Variants in MYO5A observed in about 807,000 individuals in gnomAD.
MYO5A encodes myosin VA.
A neutral mutation model predicts 249.7 loss-of-function variants in MYO5A; 98 were observed. That is an observed-to-expected ratio of 0.39 (90% CI 0.33 to 0.46). The LOEUF (loss-of-function observed/expected upper bound fraction) is 0.46, where lower values mean the gene tolerates loss of function less well. Among genes scored for constraint, MYO5A ranks in the 20% least tolerant of loss-of-function variants. The pLI is 0.98. For missense variants in MYO5A, 1,696 were observed against 2,308.8 expected (o/e 0.73, Z 5.44); for synonymous variants, 778 against 810.6 (o/e 0.96, Z 0.68).
rs1219890500 is a variant in MYO5A at position 52,435,184 on chromosome 15, T to C, written c.28-1899A>G. On this transcript the variant is annotated intron_variant, in intron 1 of 41. Transcript: ENST00000399233. Reference sequence around the variant, plus strand: ...GAAAGTGGGTGAACGAAAGTACAGGTAGATCTGAGATTCAAGATAATTTAA... The same window carrying C: ...GAAAGTGGGTGAACGAAAGTACAGGCAGATCTGAGATTCAAGATAATTTAA... Among the ~76,000 whole-genome samples the C allele has an allele frequency of 2.0e-5, 3 of 151,904 alleles. No homozygotes were observed. In the East Asian group the frequency reaches 5.8e-4, roughly 29 times the overall value.
chr15:52,448,429 T>C (rs1356551883), intron 1 of MYO5A, among the ~76,000 whole-genome samples: 1 of 152,230 alleles, frequency 6.6e-6, no homozygotes, highest in Non-Finnish European at 1.5e-5. Context: ...CTAACTTGTT[T>C]TTTATTTTAC....
intron 31 of MYO5A, among the ~76,000 whole-genome samples, chr15:52,340,873 A>G (rs531460376): frequency 6.6e-6 from 1 of 152,030 alleles, no homozygotes; most frequent in Admixed American, 6.6e-5. Context: ...GGTTGAACCC[A>G]GGAGGCAAAG....
chr15:52,456,870 C>T (rs573476310), intron 1 of MYO5A, among the ~76,000 whole-genome samples: 2 of 152,130 alleles, frequency 1.3e-5, no homozygotes, highest in Admixed American at 6.5e-5. Flanking sequence ...TAGAAGTAAG[C>T]ATTGGGCAAA....
Position 52,308,565 on chromosome 15 carries a change from A to T in MYO5A, c.*5131T>A, listed in dbSNP as rs1256654646. ...ATATTCATTTGCTTACTTGTGACACAGAGTCCCACTAACTCAGAAGCATTC... is the reference window on the plus strand; with the variant it reads ...ATATTCATTTGCTTACTTGTGACACTGAGTCCCACTAACTCAGAAGCATTC... On this transcript the variant is annotated 3_prime_UTR_variant, in exon 42 of 42. Coordinates refer to ENST00000399233, the MANE Select transcript of MYO5A (RefSeq NM_001382347.1). 1 of 152,284 alleles carries T rather than the reference A, an allele frequency of 6.6e-6. No homozygotes were observed. Among genetic ancestry groups the T allele is most frequent in the Non-Finnish European group, 1.5e-5 (1 of 68,046 alleles). The allele number at this position is 152,284 out of a possible 1,614,324, so 9.4% of individuals were successfully genotyped here.
chr15:52,506,295 A>G (rs1249287896), intron 1 of MYO5A, among the ~76,000 whole-genome samples: 2 of 152,106 alleles, frequency 1.3e-5, no homozygotes, highest in Admixed American at 1.3e-4. Context: ...AGCTTGCAGT[A>G]AGCCAAGACT....
intron 1 of MYO5A, among the ~76,000 whole-genome samples, chr15:52,475,757 T>C (rs2076578198): frequency 6.6e-6 from 1 of 152,212 alleles, no homozygotes; most frequent in Non-Finnish European, 1.5e-5. Flanking sequence ...GAGAGGCAGT[T>C]TGTTATAATT....
At chr15:52,392,874 A>G (rs1252372802) in intron 11 of MYO5A, among the ~76,000 whole-genome samples, 1 of 152,288 alleles carries the variant, frequency 6.6e-6, no homozygotes. Context: ...AAGCTGTAGT[A>G]GTATTACAAA....
chr15:52,394,559 T>C (rs1488579077), intron 11 of MYO5A, among the ~76,000 whole-genome samples: 2 of 152,050 alleles, frequency 1.3e-5, no homozygotes, highest in African/African-American at 2.4e-5. Flanking sequence ...GGCAGAGCAG[T>C]TGTGCAGAAT....
At chr15:52,329,610 T>C (rs1271538739) in intron 35 of MYO5A, among the ~76,000 whole-genome samples, 2 of 152,196 alleles carry the variant, frequency 1.3e-5, no homozygotes, top group Non-Finnish European at 2.9e-5. Context: ...TTCCCTATTA[T>C]TACACTGCCG....
At chr15:52,519,966 T>C (rs2077582337) in intron 1 of MYO5A, among the ~76,000 whole-genome samples, 1 of 152,136 alleles carries the variant, frequency 6.6e-6, no homozygotes, top group African/African-American at 2.4e-5. Flanking sequence ...CCTGACCTCA[T>C]GATCCGCCCG....
chr15:52,374,462 C>T (rs920521002), intron 20 of MYO5A, among the ~76,000 whole-genome samples: 3 of 152,168 alleles, frequency 2.0e-5, no homozygotes, highest in African/African-American at 7.2e-5. Flanking sequence ...CCTGCAAATG[C>T]TATTTATTCA....
At chr15:52,453,173 G>A (rs1193928244) in intron 1 of MYO5A, among the ~76,000 whole-genome samples, 1 of 152,016 alleles carries the variant, frequency 6.6e-6, no homozygotes. Context: ...GGTCCTAAAA[G>A]TAGCAAGGGA....
intron 18 of MYO5A, 102 bp from the exon 19 acceptor site, chr15:52,376,660 T>C (rs1034252031): frequency 5.9e-5 from 66 of 1,122,444 alleles, no homozygotes; most frequent in Non-Finnish European, 8.2e-5. Flanking sequence ...ATGACTCTAT[T>C]AGCTAAAACT....
chr15:52,485,732 G>A (rs549831316), intron 1 of MYO5A, among the ~76,000 whole-genome samples: 1 of 152,100 alleles, frequency 6.6e-6, no homozygotes, highest in Non-Finnish European at 1.5e-5. Flanking sequence ...TACACTTTTG[G>A]TAGAAAAAGC....
chr15:52,456,768 T>C (rs1017847422), intron 1 of MYO5A, among the ~76,000 whole-genome samples: 2 of 152,172 alleles, frequency 1.3e-5, no homozygotes, highest in African/African-American at 4.8e-5. Flanking sequence ...GATAACCATA[T>C]GCAGAAGAAT....
At chr15:52,370,458 A>G (rs568019655) in intron 21 of MYO5A, 41 bp from the exon 22 acceptor site, 22 of 1,552,200 alleles carry the variant, frequency 1.4e-5, no homozygotes, top group Middle Eastern at 4.0e-4. Context: ...AAATACACAT[A>G]TCATCAAATG....
At chr15:52,504,759 G>A (rs868222288) in intron 1 of MYO5A, among the ~76,000 whole-genome samples, 23 of 151,940 alleles carry the variant, frequency 1.5e-4, no homozygotes, top group Middle Eastern at 3.4e-3. Context: ...GCATGGTGGC[G>A]GGCACCTGTA....
Position 52,404,825 on chromosome 15 carries a change from T to C in MYO5A, c.1053+462A>G, listed in dbSNP as rs1361875488. Among the ~76,000 whole-genome samples the C allele has an allele frequency of 3.3e-5, 5 of 152,124 alleles. No homozygotes were observed. The East Asian group carries it at 5.8e-4, about 18-fold the overall frequency. On this transcript the variant is annotated intron_variant, in intron 9 of 41. Transcript: ENST00000399233. The stretch of plus-strand genomic sequence containing the variant: ...GAGAAACAATGAGAAAGAAGCTCAA[T>C]AGGAAGTCAGGGGTCAGTCATGAAG...
rs1003384529 is a variant in MYO5A, at chr15:52,328,907, A to C, written c.4556-901T>G. On this transcript the variant is annotated intron_variant, in intron 35 of 41. Coordinates refer to ENST00000399233, the MANE Select transcript of MYO5A (RefSeq NM_001382347.1). ...CTTGAATGTTCTTTCCTCAGATATT[A>C]GCATGACTTGTTAGCTTACTTCCTT... 3.3e-5 allele frequency among the ~76,000 whole-genome samples: 5 copies of C among 152,312 alleles called. No individual in the cohort carries two copies. In the East Asian group the frequency reaches 9.6e-4, roughly 29 times the overall value.
Sources: gnomAD v4.1 joint callset for allele counts (sites outside exome capture counted in the v4.1 genomes callset) on GRCh38, gnomAD v4.1.1 for gene constraint, MANE v1.5 for transcripts, NCBI Gene and HGNC (gene_info 2026-07-23, HGNC 2026-07-21) for gene names.